The following PTPN9 variants were observed in gnomAD, a reference collection of about 807,000 sequenced individuals.
PTPN9 encodes tyrosine-protein phosphatase non-receptor type 9.
PTPN9 carries 26 observed loss-of-function variants against 69.8 expected under a neutral mutation model. That is an observed-to-expected ratio of 0.37 (90% CI 0.27 to 0.52). The LOEUF (loss-of-function observed/expected upper bound fraction) is 0.52. PTPN9 is among the 20% of genes least tolerant of loss of function. The pLI, the probability that PTPN9 is intolerant of heterozygous loss-of-function variation, is 0.91. For synonymous variants in PTPN9, 274 were observed against 272.5 expected, an observed-to-expected ratio of 1.01 and a Z score of -0.05; for missense variants, 549 against 740.3, an observed-to-expected ratio of 0.74 and a Z score of 3.00.
intron 7 of PTPN9, among the ~76,000 whole-genome samples, chr15:75,494,507 C>T (rs1260693824): frequency 6.6e-6 from 1 of 150,900 alleles, no homozygotes; most frequent in Non-Finnish European, 1.5e-5. Context: ...AGCCTGCCAC[C>T]ATACCTGGCT....
At chr15:75,525,323 A>G (rs953964781) in intron 2 of PTPN9, among the ~76,000 whole-genome samples, 6 of 151,544 alleles carry the variant, frequency 4.0e-5, no homozygotes, top group Non-Finnish European at 7.4e-5. Context: ...CCTCCTGAGT[A>G]GCTGGGATTA....
At chr15:75,491,160 T>C (rs911619277) in intron 7 of PTPN9, among the ~76,000 whole-genome samples, 1 of 150,910 alleles carries the variant, frequency 6.6e-6, no homozygotes, top group African/African-American at 2.4e-5. Flanking sequence ...CCCAGCACTT[T>C]GGGAGGCCAA....
At chr15:75,559,783 A>AAG (rs1555457336) in intron 1 of PTPN9, among the ~76,000 whole-genome samples, 31 of 142,598 alleles carry the variant, frequency 2.2e-4, no homozygotes, top group African/African-American at 4.4e-4. Flanking sequence ...AAAAAAAAAA[A>AAG]AAGAAGAAAG....
chr15:75,571,577 G>A (rs1466751207), intron 1 of PTPN9, among the ~76,000 whole-genome samples: 1 of 152,088 alleles, frequency 6.6e-6, no homozygotes, highest in Non-Finnish European at 1.5e-5. Context: ...GGGCAACATA[G>A]TGACACCTTA....
At chr15:75,471,036 A>G (rs80163632) in intron 10 of PTPN9, 124,698 of 586,850 alleles carry the variant, frequency 0.21, 15,601 homozygotes, top group Non-Finnish European at 0.26. Flanking sequence ...GCATGTACTC[A>G]TATAGCAGAC....
Position 75,530,712 on chromosome 15 carries a change from T to A in PTPN9, c.64-3451A>T, listed in dbSNP as rs28450004. ...TTATAATATATATAATATATATTAT[T>A]ATATAATATATATAATATATATTAT... On this transcript the variant is annotated intron_variant, in intron 1 of 12. Coordinates refer to ENST00000618819, the MANE Select transcript of PTPN9 (RefSeq NM_002833.4). Among the ~76,000 whole-genome samples, 46 of 18,956 alleles carry A rather than the reference T, an allele frequency of 2.4e-3. 3 individuals are homozygous for A. Among genetic ancestry groups the A allele is most frequent in the Non-Finnish European group, 3.2e-3 (43 of 13,438 alleles). 12.4% of individuals were successfully genotyped at this position (18,956 alleles called of 152,430 possible).
At chr15:75,540,947 T>C (rs1409205046) in intron 1 of PTPN9, among the ~76,000 whole-genome samples, 1 of 151,406 alleles carries the variant, frequency 6.6e-6, no homozygotes, top group Non-Finnish European at 1.5e-5. Context: ...GGTGTGGTGG[T>C]GCACACCTGT....
At chr15:75,483,127 G>GTAAAAT (rs2074654003) in intron 8 of PTPN9, among the ~76,000 whole-genome samples, 2 of 152,174 alleles carry the variant, frequency 1.3e-5, no homozygotes, top group Admixed American at 6.5e-5. Context: ...CCTTATACAT[G>GTAAAAT]GCTAGTGGTA....
chr15:75,541,303 G>A (rs868113088), intron 1 of PTPN9, among the ~76,000 whole-genome samples: 9 of 151,410 alleles, frequency 5.9e-5, no homozygotes, highest in East Asian at 3.9e-4. Context: ...GACTGGTGTC[G>A]CACTCCTGGC....
intron 1 of PTPN9, among the ~76,000 whole-genome samples, chr15:75,576,660 T>C (rs759931426): frequency 1.3e-5 from 2 of 151,214 alleles, no homozygotes; most frequent in Non-Finnish European, 2.9e-5. Context: ...ATACAAAAAT[T>C]AGCTGGGCAT....
At chr15:75,570,785 A>AT (rs2075145148) in intron 1 of PTPN9, among the ~76,000 whole-genome samples, 2 of 151,944 alleles carry the variant, frequency 1.3e-5, no homozygotes, top group Non-Finnish European at 2.9e-5. Flanking sequence ...CAAAAAAAAA[A>AT]GCAAAAACCA....
At chr15:75,476,657 A>T (rs976461256) in intron 9 of PTPN9, among the ~76,000 whole-genome samples, 1 of 152,164 alleles carries the variant, frequency 6.6e-6, no homozygotes, top group African/African-American at 2.4e-5. Context: ...GTATGCATAG[A>T]TAAAGGTCTA....
intron 1 of PTPN9, among the ~76,000 whole-genome samples, chr15:75,535,851 A>C (rs948725201): frequency 6.6e-6 from 1 of 152,190 alleles, no homozygotes; most frequent in African/African-American, 2.4e-5. Flanking sequence ...ATAAGGCAGC[A>C]AGAGGTTTGA....
intron 5 of PTPN9, chr15:75,513,416 A>C (rs759155588): frequency 6.6e-6 from 3 of 455,932 alleles, no homozygotes; most frequent in South Asian, 4.7e-5. Flanking sequence ...GGGTTTCTCC[A>C]AATCAGTAGA....
At chr15:75,541,260 T>A (rs1407293122) in intron 1 of PTPN9, among the ~76,000 whole-genome samples, 1 of 150,778 alleles carries the variant, frequency 6.6e-6, no homozygotes, top group Non-Finnish European at 1.5e-5. Flanking sequence ...GCTACTTTTT[T>A]AATTTTTGTA....
intron 7 of PTPN9, among the ~76,000 whole-genome samples, chr15:75,493,545 G>A (rs2074722947): frequency 1.3e-5 from 2 of 152,060 alleles, no homozygotes. Flanking sequence ...CGGATTACTT[G>A]AGGTCAGAAG....
At chr15:75,473,451 C>G (rs972135078) in intron 10 of PTPN9, among the ~76,000 whole-genome samples, 1 of 151,914 alleles carries the variant, frequency 6.6e-6, no homozygotes, top group East Asian at 1.9e-4. Flanking sequence ...GCACCATGCC[C>G]GGCTAATTTT....
intron 2 of PTPN9, 23 bp downstream of exon 2, chr15:75,527,090 AGGTCT>A: frequency 1.2e-6 from 2 of 1,613,458 alleles, no homozygotes; most frequent in Non-Finnish European, 1.7e-6. Context: ...CAACTGCCAC[AGGTCT>A]GGTCTACCCC....
intron 2 of PTPN9, among the ~76,000 whole-genome samples, chr15:75,524,777 CAAA>C (rs10699634): frequency 4.1e-5 from 3 of 72,934 alleles, no homozygotes; most frequent in Admixed American, 2.0e-4. Flanking sequence ...GACTCTGTCT[CAAA>C]AAAAAAAAAA....
Sources: gnomAD v4.1 joint callset for allele counts (sites outside exome capture counted in the v4.1 genomes callset) on GRCh38, gnomAD v4.1.1 for gene constraint, MANE v1.5 for transcripts, NCBI Gene and HGNC (gene_info 2026-07-23, HGNC 2026-07-21) for gene names.